The following RAD54B variants were observed in gnomAD, a reference collection of about 807,000 sequenced individuals.
RAD54B encodes the protein RAD54 homolog B.
RAD54B carries 78 observed loss-of-function variants against 95.8 expected under a neutral mutation model. That is an observed-to-expected ratio of 0.81 (90% CI 0.68 to 0.98). The LOEUF (loss-of-function observed/expected upper bound fraction) is 0.98. RAD54B is among the 50% of genes least tolerant of loss of function. The pLI, the probability that RAD54B is intolerant of heterozygous loss-of-function variation, is 0.00. For missense variants in RAD54B, 957 were observed against 1,056.6 expected (o/e 0.91, Z 1.31); for synonymous variants, 328 against 354.9 (o/e 0.92, Z 0.85).
At chr8:94,427,825 A>T (rs1811981678) in intron 3 of RAD54B, 2 of 962,444 alleles carry the variant, frequency 2.1e-6, no homozygotes, top group Middle Eastern at 5.4e-4. Flanking sequence ...TTATTTAAAC[A>T]TGTGTATTTA....
chr8:94,409,052 A>G (rs1811465855), intron 4 of RAD54B, among the ~76,000 whole-genome samples: 1 of 151,568 alleles, frequency 6.6e-6, no homozygotes, highest in Non-Finnish European at 1.5e-5. Context: ...AGCCTGATGC[A>G]TTATCACAAG....
chr8:94,377,541 C>A (rs1185775999), intron 14 of RAD54B, among the ~76,000 whole-genome samples: 1 of 75,842 alleles, frequency 1.3e-5, no homozygotes, highest in Non-Finnish European at 2.4e-5. Flanking sequence ...CAGACCCTGT[C>A]TTGGAAAAAA....
At position 94,398,289 on chromosome 8, in the gene RAD54B, C is replaced by A. The variant is rs182623365; in HGVS notation, c.1378+1125G>T. Among the ~76,000 whole-genome samples the A allele has an allele frequency of 8.5e-5, 13 of 152,090 alleles. No homozygotes were observed. The East Asian group carries it at 2.5e-3, about 29-fold the overall frequency. On this transcript the variant is annotated intron_variant, in intron 8 of 14. Transcript: ENST00000336148. ...TTAAAGCACAGATCATTTTAAAAAT[C>A]GCTTTTGATAATGGTTAATACAATC...
intron 10 of RAD54B, among the ~76,000 whole-genome samples, chr8:94,387,879 G>A (rs1277597529): frequency 6.6e-6 from 1 of 152,118 alleles, no homozygotes; most frequent in Non-Finnish European, 1.5e-5. Flanking sequence ...AAATTCCTAG[G>A]ATTGGCAGGT....
intron 3 of RAD54B, among the ~76,000 whole-genome samples, chr8:94,444,059 T>C (rs575958886): frequency 1.5e-4 from 23 of 152,192 alleles, no homozygotes; most frequent in African/African-American, 5.1e-4. Flanking sequence ...TTTATGCTTA[T>C]GAAATACAAT....
At chr8:94,417,470 T>C (rs1388082238) in intron 3 of RAD54B, among the ~76,000 whole-genome samples, 1 of 128,868 alleles carries the variant, frequency 7.8e-6, no homozygotes, top group Non-Finnish European at 1.7e-5. Context: ...TTGATTATAC[T>C]GACTAAAATT....
intron 3 of RAD54B, among the ~76,000 whole-genome samples, chr8:94,441,031 C>A (rs2130133776): frequency 6.6e-6 from 1 of 152,294 alleles, no homozygotes; most frequent in Non-Finnish European, 1.5e-5. Context: ...CCCATAGATT[C>A]CAGGCATTGT....
At chr8:94,372,449 CT>C in intron 14 of RAD54B, 62 bp from the exon 15 acceptor site, 2 of 1,570,922 alleles carry the variant, frequency 1.3e-6, no homozygotes, top group Non-Finnish European at 1.7e-6. Flanking sequence ...AAATACAATA[CT>C]TTTTTGTTTT....
intron 2 of RAD54B, among the ~76,000 whole-genome samples, chr8:94,466,589 G>T (rs1226968568): frequency 6.6e-6 from 1 of 151,924 alleles, no homozygotes. Flanking sequence ...TGTATTTTTA[G>T]TAGAGACGGA....
chr8:94,402,810 G>C (rs1811294340), intron 6 of RAD54B, among the ~76,000 whole-genome samples: 1 of 152,090 alleles, frequency 6.6e-6, no homozygotes. Flanking sequence ...AAATATACAG[G>C]TTAGAAGCCA....
intron 11 of RAD54B, among the ~76,000 whole-genome samples, chr8:94,382,799 T>G (rs2129962498): frequency 6.6e-6 from 1 of 152,290 alleles, no homozygotes; most frequent in East Asian, 1.9e-4. Flanking sequence ...TCCCTGCTCT[T>G]GCTAGCTCTC....
intron 2 of RAD54B, among the ~76,000 whole-genome samples, chr8:94,463,826 G>T (rs1484893188): frequency 2.7e-5 from 4 of 146,956 alleles, no homozygotes; most frequent in Non-Finnish European, 5.9e-5. Context: ...GAGGTGGGAG[G>T]ATCACTTGAG....
intron 14 of RAD54B, among the ~76,000 whole-genome samples, chr8:94,374,411 T>G (rs1374963504): frequency 6.6e-6 from 1 of 151,714 alleles, no homozygotes; most frequent in African/African-American, 2.4e-5. Context: ...CGTTAAAAAA[T>G]GAAAAGACAG....
intron 3 of RAD54B, among the ~76,000 whole-genome samples, chr8:94,440,537 AT>A (rs1278525783): frequency 1.3e-5 from 2 of 152,152 alleles, no homozygotes; most frequent in Non-Finnish European, 2.9e-5. Flanking sequence ...ACATCGAATA[AT>A]TTTTTGTTCT....
chr8:94,426,034 C>A (rs1468100797), intron 3 of RAD54B, among the ~76,000 whole-genome samples: 1 of 152,134 alleles, frequency 6.6e-6, no homozygotes, highest in African/African-American at 2.4e-5. Flanking sequence ...CTCACTGCAA[C>A]CTCTGCCTCC....
At chr8:94,429,269 A>ACAATCATATTTTTCTGCAGCAT in intron 3 of RAD54B, 1 of 474,476 alleles carries the variant, frequency 2.1e-6, no homozygotes, top group Non-Finnish European at 2.8e-6. Flanking sequence ...GTAGCAGACT[A>ACAATCATATTTTTCTGCAGCAT]TGTTTATGCT....
Position 94,372,294 on chromosome 8 carries a change from T to C in RAD54B, c.2609A>G (p.Gln870Arg). 1 of 1,613,878 alleles carries C rather than the reference T, an allele frequency of 6.2e-7. No individual in the cohort carries two copies. The highest frequency in any genetic ancestry group is 8.5e-7 in the Non-Finnish European group (1 of 1,179,894). ...AGAAAAATGTTTCCATTGCTTCAGCTGGGACATAGAAAGAGGTTTCAGGGA... is the reference window on the plus strand; with the variant it reads ...AGAAAAATGTTTCCATTGCTTCAGCCGGGACATAGAAAGAGGTTTCAGGGA... ...SNSLKPLSMSQLKQWKHFSGD... is the reference protein window; with the variant it reads ...SNSLKPLSMSRLKQWKHFSGD... Residue 870 changes from glutamine to arginine, a missense_variant, in exon 15 of 15, where the codon CAG (glutamine) becomes CGG (arginine). Gln to Arg is a conservative substitution (Grantham distance 43, BLOSUM62 1). Transcript: ENST00000336148.
At chr8:94,453,919 G>A (rs1812722723) in intron 3 of RAD54B, among the ~76,000 whole-genome samples, 2 of 151,934 alleles carry the variant, frequency 1.3e-5, no homozygotes, top group Admixed American at 6.6e-5. Flanking sequence ...AGCCTCCCAA[G>A]TAGCTGGGAT....
chr8:94,432,060 T>C lies in RAD54B; in HGVS notation c.305-20745A>G, dbSNP rs1586165767. 27 of 1,468,476 alleles carry C rather than the reference T, an allele frequency of 1.8e-5. No individual in the cohort carries two copies. In the Middle Eastern group the frequency reaches 1.1e-3, roughly 61 times the overall value. 91.0% of individuals were successfully genotyped at this position (1,468,476 alleles called of 1,614,324 possible). A position where few individuals can be genotyped will look rare whatever the true frequency, so the allele number is the denominator to read the frequency against. On this transcript the variant is annotated intron_variant, in intron 3 of 14. Coordinates refer to ENST00000336148, the MANE Select transcript of RAD54B (RefSeq NM_012415.3). ...ATTTTTCAAGAACGTGTATTCTGTT[T>C]CAGGATATTCCCAAATTAAAGTAAT...
Sources: gnomAD v4.1 joint callset for allele counts (sites outside exome capture counted in the v4.1 genomes callset) on GRCh38, gnomAD v4.1.1 for gene constraint, MANE v1.5 for transcripts, NCBI Gene and HGNC (gene_info 2026-07-23, HGNC 2026-07-21) for gene names.